GRIP1: variants seen among roughly 807,000 people sequenced by gnomAD.
GRIP1 encodes the protein glutamate receptor-interacting protein 1.
Under a neutral mutation model 129.9 loss-of-function variants are expected in GRIP1, and 45 were observed. The ratio of observed to expected loss-of-function variants is 0.35; its 90% CI spans 0.27 to 0.44. The LOEUF (loss-of-function observed/expected upper bound fraction) is 0.44, where lower values mean the gene tolerates loss of function less well. GRIP1 is among the 20% of genes least tolerant of loss of function. GRIP1 has a pLI of 1.00. For missense variants in GRIP1, 1,196 were observed against 1,396.8 expected, an observed-to-expected ratio of 0.86 and a Z score of 2.29; for synonymous variants, 530 against 520.8, an observed-to-expected ratio of 1.02 and a Z score of -0.24.
intron 1 of GRIP1, among the ~76,000 whole-genome samples, chr12:67,034,991 T>C (rs1056955417): frequency 1.3e-5 from 2 of 152,322 alleles, no homozygotes; most frequent in Admixed American, 6.5e-5. Context: ...CTCCAGCAAA[T>C]AGAGCTTGCC....
intron 1 of GRIP1, among the ~76,000 whole-genome samples, chr12:67,047,241 A>G (rs1277356828): frequency 1.3e-5 from 2 of 152,212 alleles, no homozygotes; most frequent in Non-Finnish European, 2.9e-5. Flanking sequence ...AGAATTTTGC[A>G]AACATATAGT....
chr12:66,910,383 T>C (rs2041008894), intron 1 of GRIP1, among the ~76,000 whole-genome samples: 1 of 152,138 alleles, frequency 6.6e-6, no homozygotes, highest in South Asian at 2.1e-4. Context: ...CTTTGGGGAG[T>C]GACCATGGGC....
intron 1 of GRIP1, among the ~76,000 whole-genome samples, chr12:66,970,052 TG>T (rs1311224931): frequency 6.6e-6 from 1 of 152,154 alleles, no homozygotes; most frequent in East Asian, 1.9e-4. Flanking sequence ...ACGCTTGCTT[TG>T]TATCTACAGG....
In GRIP1 at chr12:66,590,797, C is replaced by A. The variant is rs116766701; in HGVS notation, c.136+6050G>T. 6.9e-3 allele frequency among the ~76,000 whole-genome samples: 1,056 copies of A among 152,288 alleles called. 10 individuals carry two copies. The highest frequency in any genetic ancestry group is 0.024 in the African/African-American group (990 of 41,556). ...TATTCCATTCATTAGTCTTGGGCAG[C>A]AGGCATTTTGTTGGAAATGTCATGT... is the stretch of plus-strand genomic sequence containing the variant. On this transcript the variant is annotated intron_variant, in intron 2 of 24. Coordinates refer to ENST00000359742, the MANE Select transcript of GRIP1 (RefSeq NM_001366722.1).
At chr12:66,423,497 C>T (rs753266279) in intron 14 of GRIP1, among the ~76,000 whole-genome samples, 1 of 152,200 alleles carries the variant, frequency 6.6e-6, no homozygotes, top group Non-Finnish European at 1.5e-5. Context: ...ATGAAAGCTT[C>T]TGAGTTTGTG....
intron 1 of GRIP1, among the ~76,000 whole-genome samples, chr12:67,023,699 C>A (rs1157149887): frequency 1.3e-5 from 2 of 152,000 alleles, no homozygotes; most frequent in African/African-American, 2.4e-5. Flanking sequence ...ATAGATTAAG[C>A]AGTGGAATCC....
Position 66,940,055 on chromosome 12 carries a change from G to GA in GRIP1, c.58+128994dup, listed in dbSNP as rs907889054. Among the ~76,000 whole-genome samples, 70 of 151,598 alleles carry GA rather than the reference G, an allele frequency of 4.6e-4. 2 individuals carry two copies. Among genetic ancestry groups the GA allele is most frequent in the Middle Eastern group, 6.8e-3 (2 of 294 alleles). On this transcript the variant is annotated intron_variant, in intron 1 of 1. Coordinates refer to the GRIP1 transcript ENST00000643019. Reference sequence around the variant, plus strand: ...ATGAAACAGCAAAATCTTATTAGTAGAAAAAAATCAGACTATGTATACCTT... The same window carrying GA: ...ATGAAACAGCAAAATCTTATTAGTAGAAAAAAAATCAGACTATGTATACCTT...
chr12:66,445,807 C>T (rs1409320136), intron 11 of GRIP1, among the ~76,000 whole-genome samples: 1 of 152,100 alleles, frequency 6.6e-6, no homozygotes, highest in Non-Finnish European at 1.5e-5. Flanking sequence ...TTAGTCCTGG[C>T]TCTATCACTG....
intron 7 of GRIP1, among the ~76,000 whole-genome samples, chr12:66,490,176 T>A (rs191209576): frequency 6.6e-6 from 1 of 152,140 alleles, no homozygotes; most frequent in East Asian, 1.9e-4. Flanking sequence ...GCCAAAACAA[T>A]CCTAAGCTAA....
intron 7 of GRIP1, among the ~76,000 whole-genome samples, chr12:66,506,138 T>C (rs1158775507): frequency 1.3e-5 from 2 of 152,216 alleles, no homozygotes; most frequent in Non-Finnish European, 2.9e-5. Context: ...CAGTATCTAC[T>C]AAAGCATGTA....
intron 1 of GRIP1, among the ~76,000 whole-genome samples, chr12:66,599,333 A>G (rs1376469587): frequency 1.3e-5 from 2 of 152,228 alleles, no homozygotes; most frequent in Non-Finnish European, 2.9e-5. Context: ...TCAGTGTAAA[A>G]GCAATAATTC....
At chr12:66,812,921 C>T (rs368131483) in intron 1 of GRIP1, among the ~76,000 whole-genome samples, 23 of 152,160 alleles carry the variant, frequency 1.5e-4, no homozygotes, top group African/African-American at 3.9e-4. Flanking sequence ...TTCATTTATT[C>T]GACAAATGCT....
chr12:66,519,061 T>G (rs76411555), intron 5 of GRIP1, among the ~76,000 whole-genome samples: 440 of 152,356 alleles, frequency 2.9e-3, no homozygotes, highest in African/African-American at 0.01. Flanking sequence ...ATTGCTCCCT[T>G]AATGTTTGCC....
At chr12:66,505,438 G>A (rs2060501469) in intron 7 of GRIP1, among the ~76,000 whole-genome samples, 1 of 152,306 alleles carries the variant, frequency 6.6e-6, no homozygotes, top group South Asian at 2.1e-4. Flanking sequence ...AGACCTTACA[G>A]ATAAGAGCTT....
At position 66,862,954 on chromosome 12, in the gene GRIP1, A is replaced by C. The variant is rs145759440; in HGVS notation, c.58+206096T>G. Among the ~76,000 whole-genome samples the C allele has an allele frequency of 7.9e-5, 12 of 152,142 alleles. No homozygotes were observed. In the East Asian group the frequency reaches 2.3e-3, roughly 29 times the overall value. ...ATAATGATGAAACTTAAAATATGAAATGTTGTACTATTATTGAAACACCGA... is the reference window on the plus strand; with the variant it reads ...ATAATGATGAAACTTAAAATATGAACTGTTGTACTATTATTGAAACACCGA... On this transcript the variant is annotated intron_variant, in intron 1 of 1. Coordinates refer to the GRIP1 transcript ENST00000643019.
chr12:66,976,282 T>A (rs980444259), intron 1 of GRIP1, among the ~76,000 whole-genome samples: 4 of 152,228 alleles, frequency 2.6e-5, no homozygotes, highest in African/African-American at 4.8e-5. Flanking sequence ...GATCCTTTGA[T>A]TACCAGTGAT....
At chr12:66,618,517 A>C (rs1298549953) in intron 1 of GRIP1, among the ~76,000 whole-genome samples, 1 of 152,120 alleles carries the variant, frequency 6.6e-6, no homozygotes, top group African/African-American at 2.4e-5. Flanking sequence ...CCTGCTTTGA[A>C]TCTATCTATT....
intron 1 of GRIP1, among the ~76,000 whole-genome samples, chr12:66,905,145 A>G (rs1234567441): frequency 6.6e-6 from 1 of 152,242 alleles, no homozygotes; most frequent in Non-Finnish European, 1.5e-5. Flanking sequence ...ATTGTAATAT[A>G]TAAACAAATG....
At chr12:66,547,882 T>G (rs1208803729) in intron 2 of GRIP1, among the ~76,000 whole-genome samples, 1 of 152,216 alleles carries the variant, frequency 6.6e-6, no homozygotes, top group East Asian at 1.9e-4. Flanking sequence ...ATATTACATA[T>G]AGTTCTGTAG....
Sources: allele counts gnomAD v4.1 joint callset (sites outside exome capture counted in the v4.1 genomes callset), GRCh38; gene constraint gnomAD v4.1.1; transcripts MANE v1.5; gene names NCBI Gene and HGNC (gene_info 2026-07-23, HGNC 2026-07-21).